The following ANKLE2 variants were observed in gnomAD, a reference collection of about 807,000 sequenced individuals.
The protein encoded by ANKLE2 is ankyrin repeat and LEM domain containing 2.
A neutral mutation model predicts 84.2 loss-of-function variants in ANKLE2; 55 were observed. The ratio of observed to expected loss-of-function variants is 0.65; its 90% CI spans 0.53 to 0.82. The LOEUF (loss-of-function observed/expected upper bound fraction) is 0.82, where lower values mean the gene tolerates loss of function less well. ANKLE2 is among the 40% of genes least tolerant of loss of function. The pLI, the probability that ANKLE2 is intolerant of heterozygous loss-of-function variation, is 0.00. For missense variants in ANKLE2, 1,238 were observed against 1,201.9 expected (o/e 1.03, Z -0.44); for synonymous variants, 551 against 486.1 (o/e 1.13, Z -1.76).
chr12:132,742,184 TACACACACACAC>T (rs71856305), intron 6 of ANKLE2: 130 of 192,660 alleles, frequency 6.7e-4, no homozygotes, highest in African/African-American at 2.7e-3. Context: ...GAAGTACAGA[TACACACACACAC>T]ACACACACAC....
chr12:132,746,364 A>AAAAAAAAAAAAAAAAAAC (rs2044239640), intron 5 of ANKLE2, among the ~76,000 whole-genome samples: 1 of 151,740 alleles, frequency 6.6e-6, no homozygotes, highest in African/African-American at 2.4e-5. Flanking sequence ...AAAAAAAAAA[A>AAAAAAAAAAAAAAAAAAC]AAAGAATCAG....
intron 10 of ANKLE2, 70 bp downstream of exon 10, chr12:132,734,315 G>T: frequency 1.3e-6 from 2 of 1,489,636 alleles, no homozygotes; most frequent in Admixed American, 2.0e-5. Flanking sequence ...AAACAGATGT[G>T]CGCATCCCGT....
chr12:132,754,927 G>C lies in ANKLE2; in HGVS notation c.388C>G (p.Leu130Val). The C allele has an allele frequency of 6.2e-7, 1 of 1,614,214 alleles. No individual in the cohort carries two copies. The highest frequency in any genetic ancestry group is 1.1e-5 in the South Asian group (1 of 91,076). Residue 130 changes from leucine (L) to valine (V), a missense_variant, in exon 2 of 13, where the codon CTC (leucine) becomes GTC (valine). Transcript: ENST00000357997. ...FYHHEAGVTA[L>V]SQDPQRILKP... ...AAAATCCTTTGTGGGTCCTGGCTGA[G>C]AGCTGTGACACCTGCCTCATGGTGG...
At chr12:132,753,801 T>C (rs561273748) in intron 2 of ANKLE2, among the ~76,000 whole-genome samples, 1 of 151,450 alleles carries the variant, frequency 6.6e-6, no homozygotes, top group South Asian at 2.1e-4. Context: ...CGTGGTGGCG[T>C]ATGCCTGTGG....
intron 3 of ANKLE2, chr12:132,749,096 C>T (rs536404029): frequency 2.1e-3 from 325 of 152,214 alleles, no homozygotes; most frequent in Admixed American, 4.3e-3. Flanking sequence ...CACGCAAGAC[C>T]TTCGATGTGC....
Position 132,755,065 on chromosome 12 carries a change from T to C in ANKLE2, c.250A>G (p.Ile84Val), listed in dbSNP as rs1459010237. ...CCACATTTCAATCCGGCTTTGACGA[T>C]TTCTTCTCTAAGGTCATCTGGATTC... ...LLNPDDLREEIVKAGLKCGPI... is the reference protein window; with the variant it reads ...LLNPDDLREEVVKAGLKCGPI... Residue 84 changes from isoleucine (I) to valine (V), a missense_variant, in exon 2 of 13, where the codon ATC becomes GTC. This residue lies in a region of ANKLE2 where 422 missense variants were observed against 394.5 expected (regional missense o/e 1.07). Transcript: ENST00000357997. The C allele has an allele frequency of 1.9e-6, 3 of 1,613,982 alleles. No individual in the cohort carries two copies. The South Asian group carries it at 3.3e-5, about 18-fold the overall frequency.
intron 10 of ANKLE2, among the ~76,000 whole-genome samples, chr12:132,733,732 C>T (rs1213970984): frequency 6.6e-6 from 1 of 152,166 alleles, no homozygotes; most frequent in Non-Finnish European, 1.5e-5. Flanking sequence ...CTGATACGCA[C>T]CGTGCAAGGC....
intron 1 of ANKLE2, chr12:132,760,117 G>A (rs1376146377): frequency 7.1e-6 from 1 of 140,522 alleles, no homozygotes; most frequent in Non-Finnish European, 1.5e-5. Flanking sequence ...CTGGGCCACA[G>A]GGCGAGACTA....
intron 2 of ANKLE2, among the ~76,000 whole-genome samples, chr12:132,754,242 A>C (rs2044426809): frequency 6.6e-6 from 1 of 152,238 alleles, no homozygotes; most frequent in South Asian, 2.1e-4. Context: ...ACTTTGTCTC[A>C]AAAAATAAAT....
chr12:132,740,549 G>A (rs2044099555), intron 7 of ANKLE2, among the ~76,000 whole-genome samples: 1 of 152,082 alleles, frequency 6.6e-6, no homozygotes, highest in Non-Finnish European at 1.5e-5. Context: ...ATCCGAGAGA[G>A]AGGAAAGCAG....
At chr12:132,739,176 G>C (rs750761282) in intron 7 of ANKLE2, among the ~76,000 whole-genome samples, 2 of 152,156 alleles carry the variant, frequency 1.3e-5, no homozygotes, top group Admixed American at 6.6e-5. Flanking sequence ...ATCACCAGGT[G>C]AAATAATCCG....
At chr12:132,741,611 T>C in intron 6 of ANKLE2, 126 bp from the exon 7 acceptor site, 2 of 920,094 alleles carry the variant, frequency 2.2e-6, no homozygotes, top group Non-Finnish European at 3.4e-6. Flanking sequence ...AAAGATTTAA[T>C]AAAGCTCACA....
chr12:132,750,497 G>T, intron 3 of ANKLE2, 146 bp downstream of exon 3: 2 of 769,220 alleles, frequency 2.6e-6, no homozygotes, highest in Non-Finnish European at 4.2e-6. Context: ...GAGCATCAGA[G>T]CCAGCATGGC....
chr12:132,753,686 A>G (rs1200706017), intron 2 of ANKLE2, among the ~76,000 whole-genome samples: 1 of 151,710 alleles, frequency 6.6e-6, no homozygotes. Context: ...GGTTACAGTG[A>G]GCTGAGATCG....
At chr12:132,754,571 G>T in intron 2 of ANKLE2, 104 bp downstream of exon 2, 1 of 1,162,664 alleles carries the variant, frequency 8.6e-7, no homozygotes, top group Non-Finnish European at 1.2e-6. Flanking sequence ...GGAGGGGATT[G>T]GATTTTTTCC....
In ANKLE2 at chr12:132,727,116, T is replaced by G. The variant is rs1301232344; in HGVS notation, c.*126A>C. 2 of 1,017,574 alleles carry G rather than the reference T, an allele frequency of 2.0e-6. No individual in the cohort carries two copies. Among genetic ancestry groups the G allele is most frequent in the Non-Finnish European group, 2.7e-6 (2 of 734,848 alleles). 63.0% of individuals were successfully genotyped at this position (1,017,574 alleles called of 1,614,324 possible). On this transcript the variant is annotated 3_prime_UTR_variant, in exon 13 of 13. Coordinates refer to ENST00000357997, the MANE Select transcript of ANKLE2 (RefSeq NM_015114.3). Reference sequence around the variant, plus strand: ...ATAGAACATTTAAATCTTCTAAAATTCTCACACCCTCAAAGTGAGGAGTAA... The same window carrying G: ...ATAGAACATTTAAATCTTCTAAAATGCTCACACCCTCAAAGTGAGGAGTAA...
chr12:132,734,411 G>C lies in ANKLE2; in HGVS notation c.1865C>G (p.Ser622Cys). ...AQQETGEREA[S>C]CRDKATTSGS... is the part of the protein sequence containing the mutation. ...AGACGTGGTGGCTTTATCTCGGCAG[G>C]AGGCTTCCCGTTCTCCTGTTTCTTG... Residue 622 changes from serine to cysteine, a missense_variant, in exon 10 of 13, where the codon TCC becomes TGC. This residue lies in a region of ANKLE2 where 802 missense variants were observed against 774.5 expected (regional missense o/e 1.04). Coordinates refer to ENST00000357997, the MANE Select transcript of ANKLE2 (RefSeq NM_015114.3). 6.2e-7 allele frequency: 1 copy of C among 1,614,074 alleles called. No homozygotes were observed. The highest frequency in any genetic ancestry group is 1.3e-5 in the African/African-American group (1 of 75,034).
At chr12:132,744,390 G>A (rs959438889) in intron 5 of ANKLE2, among the ~76,000 whole-genome samples, 3 of 152,098 alleles carry the variant, frequency 2.0e-5, no homozygotes, top group Non-Finnish European at 2.9e-5. Context: ...CGGTGGCATC[G>A]TATGCCATGG....
At chr12:132,733,732 C>G (rs1213970984) in intron 10 of ANKLE2, among the ~76,000 whole-genome samples, 1 of 152,166 alleles carries the variant, frequency 6.6e-6, no homozygotes, top group Non-Finnish European at 1.5e-5. Flanking sequence ...CTGATACGCA[C>G]CGTGCAAGGC....
Sources: allele counts gnomAD v4.1 joint callset (sites outside exome capture counted in the v4.1 genomes callset), GRCh38; gene constraint gnomAD v4.1.1; regional missense constraint gnomAD v4.1.1; transcripts MANE v1.5; gene names NCBI Gene and HGNC (gene_info 2026-07-23, HGNC 2026-07-21).